The following SEMA3A variants were observed in gnomAD, a reference collection of about 807,000 sequenced individuals.
SEMA3A encodes the protein semaphorin-3A.
In SEMA3A, 29 loss-of-function variants were observed where a neutral mutation model predicts 97.9. The ratio of observed to expected loss-of-function variants is 0.30; its 90% confidence interval spans 0.22 to 0.40. The LOEUF (loss-of-function observed/expected upper bound fraction) is 0.40, where lower values mean the gene tolerates loss of function less well. Among genes scored for constraint, SEMA3A ranks in the 10% least tolerant of loss-of-function variants. The pLI is 1.00. For synonymous variants in SEMA3A, 321 were observed against 323.7 expected, an observed-to-expected ratio of 0.99 and a Z score of 0.09; for missense variants, 763 against 951.3, an observed-to-expected ratio of 0.80 and a Z score of 2.60.
At chr7:84,147,092 A>T (rs1021366986) in intron 1 of SEMA3A, among the ~76,000 whole-genome samples, 12 of 152,272 alleles carry the variant, frequency 7.9e-5, no homozygotes, top group African/African-American at 1.7e-4. Flanking sequence ...CGTGTTTTTT[A>T]AAAAAAGAAA....
chr7:84,113,477 C>T (rs1028817855), intron 3 of SEMA3A, among the ~76,000 whole-genome samples: 8 of 152,138 alleles, frequency 5.3e-5, no homozygotes, highest in Non-Finnish European at 1.2e-4. Flanking sequence ...CACATTTCTG[C>T]TCTAGGGAGA....
At chr7:84,439,639 G>T (rs575039474) in intron 1 of SEMA3A, among the ~76,000 whole-genome samples, 32 of 152,234 alleles carry the variant, frequency 2.1e-4, no homozygotes, top group African/African-American at 7.0e-4. Flanking sequence ...CCACTAAGAA[G>T]ATTTAGATTA....
intron 5 of SEMA3A, among the ~76,000 whole-genome samples, chr7:84,059,470 A>C (rs1295497205): frequency 6.6e-6 from 1 of 152,114 alleles, no homozygotes; most frequent in East Asian, 1.9e-4. Context: ...TATTTTTCTG[A>C]GTAGGAAAAA....
chr7:84,434,593 C>T (rs1481868869), intron 1 of SEMA3A, among the ~76,000 whole-genome samples: 1 of 152,030 alleles, frequency 6.6e-6, no homozygotes, highest in African/African-American at 2.4e-5. Flanking sequence ...CTAATGAGGA[C>T]AGACATAAAA....
rs529332865 is a variant in SEMA3A, at chr7:83,977,347, A to AT, written c.1653-152dup. 492 of 391,050 alleles carry AT rather than the reference A, an allele frequency of 1.3e-3. 3 individuals are homozygous for AT. The highest frequency in any genetic ancestry group is 8.4e-3 in the African/African-American group (406 of 48,236). 24.2% of individuals were successfully genotyped at this position (391,050 alleles called of 1,614,324 possible). The stretch of plus-strand genomic sequence containing the variant: ...AGATGAATCTACATCCAACTAAAAG[A>AT]TTTTTTTAAAAAACAGTTCATTATA... On this transcript the variant is annotated intron_variant, in intron 14 of 16. Coordinates refer to ENST00000265362, the MANE Select transcript of SEMA3A (RefSeq NM_006080.3).
At position 84,400,008 on chromosome 7, in the gene SEMA3A, T is replaced by C. The variant is rs373768315; in HGVS notation, c.-245-28108A>G. Among the ~76,000 whole-genome samples, 23 of 152,304 alleles carry C rather than the reference T, an allele frequency of 1.5e-4. No individual in the cohort carries two copies. In the South Asian group the frequency reaches 2.1e-3, roughly 14 times the overall value. On this transcript the variant is annotated intron_variant, in intron 1 of 3. Transcript: ENST00000424555. ...TGGGAACCTAGGGAAATCTCCCTCATCTTCCTTATGCCCATCAGGGCTGGG... is the reference window on the plus strand; with the variant it reads ...TGGGAACCTAGGGAAATCTCCCTCACCTTCCTTATGCCCATCAGGGCTGGG...
intron 1 of SEMA3A, among the ~76,000 whole-genome samples, chr7:84,167,725 A>T (rs1459409493): frequency 2.0e-5 from 3 of 152,170 alleles, no homozygotes; most frequent in Admixed American, 2.0e-4. Flanking sequence ...CAGTTTGAGA[A>T]TTCCCAATTT....
chr7:84,126,471 G>T (rs1795799215), intron 3 of SEMA3A, among the ~76,000 whole-genome samples: 1 of 152,100 alleles, frequency 6.6e-6, no homozygotes, highest in Non-Finnish European at 1.5e-5. Context: ...CTCCCAAAGT[G>T]TTGGGATTAC....
intron 3 of SEMA3A, among the ~76,000 whole-genome samples, chr7:84,118,045 TACG>T (rs1795487879): frequency 6.6e-6 from 1 of 152,182 alleles, no homozygotes; most frequent in Non-Finnish European, 1.5e-5. Flanking sequence ...TTTCACCAAT[TACG>T]ACAAGAGCTC....
chr7:84,243,884 T>G lies in SEMA3A; in HGVS notation c.-82-49216A>C, dbSNP rs139638034. ...CAGTAGCCATTCAGGAGCAGGTTGT[T>G]CAGTTTCCATGTAGTTGTGTGGTTT... On this transcript the variant is annotated intron_variant, in intron 3 of 3. Transcript: ENST00000424555. Among the ~76,000 whole-genome samples the G allele has an allele frequency of 6.1e-3, 928 of 152,298 alleles. 42 individuals are homozygous for G. In the East Asian group the frequency reaches 0.12, roughly 19 times the overall value.
In SEMA3A at chr7:84,229,993, T is replaced by C. The variant is rs17158746; in HGVS notation, c.-82-35325A>G. 0.013 allele frequency among the ~76,000 whole-genome samples: 1,944 copies of C among 152,128 alleles called. 63 individuals carry two copies. The East Asian group carries it at 0.15, about 11-fold the overall frequency. ...CTCTGATCTTACCCCCCCTTTACTC[T>C]ACTCAGTTCTCTTCAGTCAACAGAA... is the stretch of plus-strand genomic sequence containing the variant. On this transcript the variant is annotated intron_variant, in intron 3 of 3. Coordinates refer to the SEMA3A transcript ENST00000424555.
rs763803325 is a variant in SEMA3A at position 84,129,125 on chromosome 7, G to A, written c.331C>T (p.Leu111=). 1.6e-5 allele frequency: 26 copies of A among 1,607,696 alleles called. No individual in the cohort carries two copies. In the Middle Eastern group the frequency reaches 4.9e-4, roughly 31 times the overall value. ...DECKWAGKDI[L]KECANFIKVL... is the part of the protein sequence containing the mutation. ...TAATTTAGTAGGTTAATGCTTACCA[G>A]GATGTCTTTTCCAGCCCACTTGCAT... The change falls in exon 3 of 17, where the codon CTG becomes TTG. Residue 111 remains leucine, a splice_region_variant and synonymous_variant. Coordinates refer to ENST00000265362, the MANE Select transcript of SEMA3A (RefSeq NM_006080.3).
intron 3 of SEMA3A, among the ~76,000 whole-genome samples, chr7:84,270,122 C>T (rs936049660): frequency 6.6e-6 from 1 of 152,028 alleles, no homozygotes; most frequent in African/African-American, 2.4e-5. Context: ...TGGGAATTTT[C>T]TCAAATGATT....
intron 3 of SEMA3A, among the ~76,000 whole-genome samples, chr7:84,214,453 A>G (rs1371340851): frequency 6.6e-6 from 1 of 152,188 alleles, no homozygotes; most frequent in East Asian, 1.9e-4. Context: ...AATTACATTT[A>G]TTAGAATGAT....
chr7:83,970,062 C>T (rs2116281825), intron 15 of SEMA3A, among the ~76,000 whole-genome samples: 1 of 152,238 alleles, frequency 6.6e-6, no homozygotes, highest in African/African-American at 2.4e-5. Flanking sequence ...CATAATGATT[C>T]CCCACGGGTT....
At chr7:84,256,993 C>T (rs984186625) in intron 3 of SEMA3A, among the ~76,000 whole-genome samples, 3 of 151,762 alleles carry the variant, frequency 2.0e-5, no homozygotes, top group Non-Finnish European at 4.4e-5. Context: ...AGTTTTCTCA[C>T]GGCATAGGTA....
chr7:84,414,410 A>T (rs1347564796), intron 1 of SEMA3A, among the ~76,000 whole-genome samples: 1 of 150,724 alleles, frequency 6.6e-6, no homozygotes, highest in African/African-American at 2.4e-5. Context: ...AAAAAAAAAA[A>T]CAGTATTGTT....
intron 5 of SEMA3A, among the ~76,000 whole-genome samples, chr7:84,051,548 G>A (rs1792654382): frequency 6.6e-6 from 1 of 152,150 alleles, no homozygotes; most frequent in Non-Finnish European, 1.5e-5. Context: ...TGTGATTTCT[G>A]TACATTGATT....
At chr7:84,489,232 T>A (rs1806658093) in intron 1 of SEMA3A, 1 of 152,072 alleles carries the variant, frequency 6.6e-6, no homozygotes, top group Non-Finnish European at 1.5e-5. Context: ...TCGTGAGAAC[T>A]CATTCACTAT....
Sources: allele counts gnomAD v4.1 joint callset (sites outside exome capture counted in the v4.1 genomes callset), GRCh38; gene constraint gnomAD v4.1.1; transcripts MANE v1.5; gene names NCBI Gene and HGNC (gene_info 2026-07-23, HGNC 2026-07-21).